NEBL: variants seen among roughly 807,000 people sequenced by gnomAD.
The protein encoded by NEBL is LIM and SH3 protein 2.
A neutral mutation model predicts 140.2 loss-of-function variants in NEBL; 122 were observed. That is an observed-to-expected ratio of 0.87 (90% CI 0.75 to 1.01). NEBL has a LOEUF of 1.01. Ranked by LOEUF, NEBL falls within the 50% of genes least tolerant of loss-of-function variation. The probability of loss-of-function intolerance (pLI) is 0.00; values close to 1 mark genes in which losing one functional copy is unlikely to be tolerated. For missense variants in NEBL, 1,365 were observed against 1,231.3 expected (o/e 1.11, Z -1.62); for synonymous variants, 436 against 398.9 (o/e 1.09, Z -1.11).
chr10:20,889,831 T>C lies in NEBL; in HGVS notation c.258+14A>G, dbSNP rs1375365955. The C allele has an allele frequency of 6.5e-6, 10 of 1,549,662 alleles. No individual in the cohort carries two copies. The highest frequency in any genetic ancestry group is 8.0e-6 in the Non-Finnish European group (9 of 1,121,314). ...GATAAATGCAAGCCAGTTTGCAAGC[T>C]TTTGATACCTTACCTCAGAAATAAA... On this transcript the variant is annotated intron_variant, in intron 3 of 27. Transcript: ENST00000377122.
chr10:21,220,528 C>G (rs769829391), intron 3 of NEBL, among the ~76,000 whole-genome samples: 2 of 152,176 alleles, frequency 1.3e-5, no homozygotes, highest in Non-Finnish European at 2.9e-5. Flanking sequence ...AATGTAAGAT[C>G]AGACACTATA....
chr10:20,809,437 A>G (rs919334537), intron 25 of NEBL, among the ~76,000 whole-genome samples: 1 of 152,218 alleles, frequency 6.6e-6, no homozygotes, highest in Admixed American at 6.5e-5. Flanking sequence ...CTACTGTTCT[A>G]TATATAATTC....
intron 2 of NEBL, among the ~76,000 whole-genome samples, chr10:21,074,019 G>A (rs1013571679): frequency 2.0e-5 from 3 of 152,198 alleles, no homozygotes; most frequent in African/African-American, 7.2e-5. Flanking sequence ...AGGTTGCAGT[G>A]AGCCGAGATC....
chr10:20,865,832 T>C (rs1408428756), intron 7 of NEBL, among the ~76,000 whole-genome samples: 1 of 152,170 alleles, frequency 6.6e-6, no homozygotes, highest in African/African-American at 2.4e-5. Flanking sequence ...TTTGGGCATC[T>C]CTCATGTCTG....
chr10:21,165,494 T>C (rs1840723282), intron 2 of NEBL, among the ~76,000 whole-genome samples: 1 of 152,182 alleles, frequency 6.6e-6, no homozygotes, highest in Non-Finnish European at 1.5e-5. Flanking sequence ...GAAACTAGCC[T>C]GGGCCTTATC....
intron 1 of NEBL, among the ~76,000 whole-genome samples, chr10:21,275,807 A>ATTTTTTTTTTTTT (rs959684198): frequency 1.1e-4 from 12 of 113,768 alleles, no homozygotes; most frequent in African/African-American, 1.4e-4. Flanking sequence ...CACCCAGCTA[A>ATTTTTTTTTTTTT]TTTTTTTTTT....
intron 3 of NEBL, among the ~76,000 whole-genome samples, chr10:21,215,007 C>A (rs1841970118): frequency 6.6e-6 from 1 of 152,202 alleles, no homozygotes; most frequent in Non-Finnish European, 1.5e-5. Context: ...TGCCTCACCC[C>A]ACCCTGATCC....
chr10:20,870,519 T>G (rs1443978918), intron 5 of NEBL, among the ~76,000 whole-genome samples: 2 of 152,066 alleles, frequency 1.3e-5, no homozygotes, highest in Non-Finnish European at 2.9e-5. Flanking sequence ...CATCACAAAG[T>G]CTCAAGCCCC....
chr10:21,081,976 T>C (rs2131937714), intron 2 of NEBL, among the ~76,000 whole-genome samples: 1 of 152,342 alleles, frequency 6.6e-6, no homozygotes, highest in East Asian at 1.9e-4. Context: ...GGATACATCA[T>C]GTCAATTACC....
At chr10:21,207,807 A>G (rs1841851122) in intron 3 of NEBL, among the ~76,000 whole-genome samples, 1 of 152,218 alleles carries the variant, frequency 6.6e-6, no homozygotes, top group Admixed American at 6.5e-5. Flanking sequence ...TCTAGGTTCT[A>G]GAAACCATTC....
In NEBL at chr10:20,858,214, C is replaced by T. The variant is rs58005377; in HGVS notation, c.903+26G>A. The T allele has an allele frequency of 2.0e-3, 3,057 of 1,528,856 alleles. 52 individuals carry two copies. In the African/African-American group the frequency reaches 0.038, roughly 19 times the overall value. The allele number at this position is 1,528,856 out of a possible 1,614,324, so 94.7% of individuals were successfully genotyped here. A position where few individuals can be genotyped will look rare whatever the true frequency, so the allele number is the denominator to read the frequency against. On this transcript the variant is annotated intron_variant, in intron 9 of 27. Transcript: ENST00000377122. ...GCTTCTTGGAGCCACAAGGCAACTA[C>T]GGTTGCCGCTAGATGAACCACTTAC...
At chr10:21,024,642 T>C (rs1838948798) in intron 2 of NEBL, among the ~76,000 whole-genome samples, 2 of 151,778 alleles carry the variant, frequency 1.3e-5, no homozygotes, top group African/African-American at 4.8e-5. Context: ...AAAATGAAAA[T>C]TACAATATCT....
At chr10:21,033,352 T>C (rs1198733716) in intron 2 of NEBL, among the ~76,000 whole-genome samples, 1 of 152,130 alleles carries the variant, frequency 6.6e-6, no homozygotes, top group Non-Finnish European at 1.5e-5. Context: ...CTATAGCAAA[T>C]GTGCAATATG....
chr10:20,943,404 C>G (rs1834993973), intron 4 of NEBL, among the ~76,000 whole-genome samples: 1 of 152,118 alleles, frequency 6.6e-6, no homozygotes, highest in Admixed American at 6.5e-5. Flanking sequence ...AACACATGGA[C>G]ACAGGAAGGG....
rs753892134 is a variant in NEBL, at chr10:20,873,952, TG to T, written c.481-4112del. Among the ~76,000 whole-genome samples the T allele has an allele frequency of 2.6e-5, 4 of 152,310 alleles. No homozygotes were observed. The South Asian group carries it at 8.3e-4, about 32-fold the overall frequency. ...TCATTTTGTTCTATATGTCTGTCACTGGGCAAAGAAATTATCATACTATCAT... is the reference window on the plus strand; with the variant it reads ...TCATTTTGTTCTATATGTCTGTCACTGGCAAAGAAATTATCATACTATCAT... On this transcript the variant is annotated intron_variant, in intron 5 of 27. Coordinates refer to ENST00000377122, the MANE Select transcript of NEBL (RefSeq NM_006393.3).
At chr10:20,939,598 C>T (rs1468318269) in intron 4 of NEBL, among the ~76,000 whole-genome samples, 48 of 151,780 alleles carry the variant, frequency 3.2e-4, no homozygotes, top group South Asian at 1.3e-3. Context: ...TAACCTTAAA[C>T]GTAAATGGGC....
chr10:20,824,416 T>C (rs1192118564), intron 18 of NEBL, among the ~76,000 whole-genome samples: 1 of 152,130 alleles, frequency 6.6e-6, no homozygotes, highest in African/African-American at 2.4e-5. Flanking sequence ...CCAATATTAG[T>C]CCAGACCCAA....
intron 2 of NEBL, among the ~76,000 whole-genome samples, chr10:21,073,902 G>A (rs912428808): frequency 2.0e-5 from 3 of 152,018 alleles, no homozygotes; most frequent in East Asian, 2.0e-4. Flanking sequence ...GTGAAACCCC[G>A]TCTCTACTAA....
chr10:21,225,488 A>G (rs112071210), intron 3 of NEBL, among the ~76,000 whole-genome samples: 1,665 of 152,220 alleles, frequency 0.011, 32 homozygotes, highest in African/African-American at 0.037. Flanking sequence ...AGTTCCCCCA[A>G]CCCCAGGCAG....
Sources: gnomAD v4.1 joint callset for allele counts (sites outside exome capture counted in the v4.1 genomes callset) on GRCh38, gnomAD v4.1.1 for gene constraint, MANE v1.5 for transcripts, NCBI Gene and HGNC (gene_info 2026-07-23, HGNC 2026-07-21) for gene names.